The following LTN1 variants were observed in gnomAD, a reference collection of about 807,000 sequenced individuals.
LTN1 encodes the protein E3 ubiquitin-protein ligase listerin.
LTN1 carries 88 observed loss-of-function variants against 201.2 expected under a neutral mutation model. The ratio of observed to expected loss-of-function variants is 0.44; its 90% CI spans 0.37 to 0.52. LTN1 has a LOEUF of 0.52. Ranked by LOEUF, LTN1 falls within the 20% of genes least tolerant of loss-of-function variation. The probability of loss-of-function intolerance (pLI) is 0.00; values close to 1 mark genes in which losing one functional copy is unlikely to be tolerated. For synonymous variants in LTN1, 645 were observed against 713.5 expected, an observed-to-expected ratio of 0.90 and a Z score of 1.53; for missense variants, 1,752 against 2,038.7, an observed-to-expected ratio of 0.86 and a Z score of 2.71.
intron 3 of LTN1, among the ~76,000 whole-genome samples, chr21:28,985,316 C>T (rs1016995025): frequency 2.0e-5 from 3 of 151,912 alleles, no homozygotes; most frequent in South Asian, 2.1e-4. Context: ...AAAAAATTAG[C>T]GGGGCATGGT....
chr21:28,943,401 G>A, intron 23 of LTN1, 65 bp from the exon 24 acceptor site: 4 of 979,856 alleles, frequency 4.1e-6, no homozygotes, highest in Non-Finnish European at 6.3e-6. Context: ...GTGCTCAAGA[G>A]CAGAAAGACC....
intron 27 of LTN1, among the ~76,000 whole-genome samples, chr21:28,933,677 CTTTTT>C (rs369698319): frequency 2.2e-5 from 3 of 135,718 alleles, no homozygotes; most frequent in Non-Finnish European, 3.2e-5. Flanking sequence ...CTCTCTCTCT[CTTTTT>C]TTTTTTTTTT....
rs752946244 is a variant in LTN1 at position 28,961,912 on chromosome 21, G to A, written c.2164-1206C>T. On this transcript the variant is annotated intron_variant, in intron 11 of 29. Transcript: ENST00000361371. ...TATAATCCCAGCTACTCGGGAGGCT[G>A]AGGCAGGAGAATCACTTGAACCCGG... 1.5e-3 allele frequency among the ~76,000 whole-genome samples: 221 copies of A among 152,246 alleles called. 1 individual carries two copies. Among genetic ancestry groups the A allele is most frequent in the Admixed American group, 3.3e-3 (51 of 15,292 alleles).
At chr21:28,984,399 A>T (rs534945600) in intron 4 of LTN1, among the ~76,000 whole-genome samples, 1 of 152,204 alleles carries the variant, frequency 6.6e-6, no homozygotes, top group East Asian at 1.9e-4. Flanking sequence ...TTATTTTTAG[A>T]TATATTACTT....
chr21:28,933,886 G>A (rs1356043267), intron 27 of LTN1, among the ~76,000 whole-genome samples: 1 of 152,104 alleles, frequency 6.6e-6, no homozygotes, highest in Non-Finnish European at 1.5e-5. Context: ...ATGTTGGCCA[G>A]GCTGGTCTTG....
At chr21:28,948,990 T>C (rs73901115) in intron 18 of LTN1, among the ~76,000 whole-genome samples, 3,764 of 152,344 alleles carry the variant, frequency 0.025, 159 homozygotes, top group African/African-American at 0.086. Flanking sequence ...CAACTTATAC[T>C]TTCACCAAAT....
chr21:28,960,265 G>A (rs2084464690), intron 12 of LTN1, among the ~76,000 whole-genome samples: 1 of 151,628 alleles, frequency 6.6e-6, no homozygotes, highest in African/African-American at 2.4e-5. Flanking sequence ...TACTTGGGAA[G>A]CTGAGGCACA....
chr21:28,977,171 C>T (rs573231750), intron 6 of LTN1, among the ~76,000 whole-genome samples: 3 of 151,814 alleles, frequency 2.0e-5, no homozygotes, highest in Non-Finnish European at 2.9e-5. Context: ...GTCAGGAGTT[C>T]GAGACCAGTC....
At chr21:28,940,879 G>C (rs560359144) in intron 25 of LTN1, among the ~76,000 whole-genome samples, 53 of 152,154 alleles carry the variant, frequency 3.5e-4, no homozygotes, top group Non-Finnish European at 7.6e-4. Flanking sequence ...CTTGAGCTCA[G>C]GAGTTTGAGA....
At chr21:28,951,240 A>T (rs879918052) in intron 18 of LTN1, among the ~76,000 whole-genome samples, 154 of 152,322 alleles carry the variant, frequency 1.0e-3, no homozygotes, top group Admixed American at 3.7e-3. Flanking sequence ...AAGATAAAAA[A>T]CAGTCAAAAT....
At chr21:28,965,382 A>G (rs891759543) in intron 11 of LTN1, among the ~76,000 whole-genome samples, 8 of 152,138 alleles carry the variant, frequency 5.3e-5, no homozygotes, top group Non-Finnish European at 8.8e-5. Flanking sequence ...TCTTTTCATT[A>G]TTCTTACCAC....
At chr21:28,941,046 C>T (rs1435819637) in intron 25 of LTN1, among the ~76,000 whole-genome samples, 174 bp downstream of exon 25, 1 of 152,078 alleles carries the variant, frequency 6.6e-6, no homozygotes, top group Non-Finnish European at 1.5e-5. Context: ...CACTGCATTC[C>T]AGCACAGGCA....
chr21:28,931,823 T>C (rs2084213174), intron 28 of LTN1, among the ~76,000 whole-genome samples: 1 of 152,034 alleles, frequency 6.6e-6, no homozygotes, highest in Admixed American at 6.6e-5. Flanking sequence ...GCCAACATAG[T>C]GAAACCCCAT....
At chr21:28,981,975 G>A (rs1411479677) in intron 5 of LTN1, among the ~76,000 whole-genome samples, 2 of 152,200 alleles carry the variant, frequency 1.3e-5, no homozygotes, top group Non-Finnish European at 2.9e-5. Context: ...AACACTTCGG[G>A]AGGCCGAGGC....
Position 28,967,174 on chromosome 21 carries a change from G to C in LTN1, c.1317C>G (p.Ile439Met). ...CTTTGAGAACTGCATCAATAAAAGG[G>C]ATCAACTGAAAGAAAAGGTAGAATA... ...IEQMLVNDQL[I>M]PFIDAVLKDP... The change falls in exon 10 of 30, where the codon ATC (isoleucine) becomes ATG (methionine). Residue 439 changes from isoleucine (I) to methionine (M), a missense_variant. This residue lies in a region of LTN1 where 1,211 missense variants were observed against 1,312.8 expected (regional missense o/e 0.92). Coordinates refer to ENST00000361371, the MANE Select transcript of LTN1 (RefSeq NM_015565.3). 1 of 1,599,388 alleles carries C rather than the reference G, an allele frequency of 6.3e-7. No homozygotes were observed. The highest frequency in any genetic ancestry group is 1.7e-4 in the Middle Eastern group (1 of 5,968).
chr21:28,950,199 CCTT>C (rs1165641481), intron 18 of LTN1, among the ~76,000 whole-genome samples: 2 of 152,058 alleles, frequency 1.3e-5, no homozygotes, highest in African/African-American at 4.8e-5. Context: ...TATCTTCCCA[CCTT>C]CTTTTGTGAT....
intron 1 of LTN1, among the ~76,000 whole-genome samples, chr21:28,992,347 G>A (rs370896002): frequency 6.6e-6 from 1 of 152,152 alleles, no homozygotes; most frequent in African/African-American, 2.4e-5. Context: ...CTTAGGAGAA[G>A]CCACTGTAGG....
chr21:28,964,291 C>T (rs1294035346), intron 11 of LTN1, among the ~76,000 whole-genome samples: 1 of 152,176 alleles, frequency 6.6e-6, no homozygotes, highest in Non-Finnish European at 1.5e-5. Flanking sequence ...GAAATTGTCA[C>T]AGCCACTCCA....
chr21:28,963,024 A>G (rs1344456205), intron 11 of LTN1, among the ~76,000 whole-genome samples: 1 of 152,228 alleles, frequency 6.6e-6, no homozygotes, highest in Non-Finnish European at 1.5e-5. Flanking sequence ...ACAAGAAAAG[A>G]CTGACGCTAG....
Sources: gnomAD v4.1 joint callset for allele counts (sites outside exome capture counted in the v4.1 genomes callset) on GRCh38, gnomAD v4.1.1 for gene constraint, gnomAD v4.1.1 regional missense constraint, MANE v1.5 for transcripts, NCBI Gene and HGNC (gene_info 2026-07-23, HGNC 2026-07-21) for gene names.